Variants in PCSK6 observed in about 807,000 individuals in gnomAD.
The protein encoded by PCSK6 is paired basic amino acid cleaving enzyme 4.
A neutral mutation model predicts 123.3 loss-of-function variants in PCSK6; 85 were observed. The ratio of observed to expected loss-of-function variants is 0.69; its 90% CI spans 0.58 to 0.83. PCSK6 has a LOEUF of 0.83. Ranked by LOEUF, PCSK6 falls within the 40% of genes least tolerant of loss-of-function variation. The pLI is 0.00. For synonymous variants in PCSK6, 508 were observed against 516.0 expected (o/e 0.98, Z 0.21); for missense variants, 1,191 against 1,282.3 (o/e 0.93, Z 1.09).
At position 101,416,321 on chromosome 15, in the gene PCSK6, G is replaced by T. The variant is rs1259023790; in HGVS notation, c.823+11571C>A. ...TCTGTGGAACTTTGAACTTGAGAAA[G>T]ATGATTTAGAGTATCTGGCAGAAGA... On this transcript the variant is annotated intron_variant, in intron 6 of 21. Transcript: ENST00000611716. Among the ~76,000 whole-genome samples, 2 of 152,230 alleles carry T rather than the reference G, an allele frequency of 1.3e-5. 1 individual carries two copies. Among genetic ancestry groups the T allele is most frequent in the South Asian group, 4.1e-4 (2 of 4,832 alleles).
chr15:101,413,945 C>T (rs1232246825), intron 6 of PCSK6, among the ~76,000 whole-genome samples: 1 of 151,796 alleles, frequency 6.6e-6, no homozygotes, highest in African/African-American at 2.4e-5. Flanking sequence ...CTACAGGAGA[C>T]TCAATTCAAA....
chr15:101,381,590 A>T (rs554722238), intron 11 of PCSK6, among the ~76,000 whole-genome samples: 9 of 152,288 alleles, frequency 5.9e-5, no homozygotes, highest in African/African-American at 2.2e-4. Flanking sequence ...GCAGTACCCC[A>T]CAACCTGCAA....
intron 6 of PCSK6, among the ~76,000 whole-genome samples, chr15:101,402,495 G>A (rs886531256): frequency 5.3e-5 from 8 of 152,216 alleles, no homozygotes; most frequent in South Asian, 4.2e-4. Flanking sequence ...CCTACAAAAC[G>A]GGAGAAAATT....
intron 9 of PCSK6, among the ~76,000 whole-genome samples, chr15:101,386,667 C>T (rs1458683298): frequency 5.3e-5 from 8 of 152,218 alleles, no homozygotes; most frequent in Non-Finnish European, 8.8e-5. Flanking sequence ...AATCTGTATC[C>T]GAATCTCCTT....
At chr15:101,405,879 A>C (rs1003858093) in intron 6 of PCSK6, among the ~76,000 whole-genome samples, 2 of 152,002 alleles carry the variant, frequency 1.3e-5, no homozygotes, top group East Asian at 3.9e-4. Context: ...AGTAGCTGGG[A>C]TTACAGGCAC....
chr15:101,305,272 G>C lies in PCSK6; in HGVS notation c.2896C>G (p.Leu966Val). 6.2e-7 allele frequency: 1 copy of C among 1,611,398 alleles called. No individual in the cohort carries two copies. Among genetic ancestry groups the C allele is most frequent in the Non-Finnish European group, 8.5e-7 (1 of 1,179,536 alleles). Residue 966 changes from leucine (L) to valine (V), a missense_variant, in exon 22 of 22, where the codon CTC becomes GTC. Leu to Val is a conservative substitution (Grantham distance 32). This residue lies in a region of PCSK6 where 630 missense variants were observed against 631.4 expected (regional missense o/e 1.00). Transcript: ENST00000611716. The surrounding 1 kb of genome is among the most constrained non-coding windows in gnomAD (Gnocchi z 4.8). ...LFIQFCCRTC[L>V]LAG ...GCTAGGCACCCTTACCCGGCCAGGA[G>C]GCACGTGCGGCAGCAGAACTGAATG...
chr15:101,323,420 C>G (rs945083464), intron 17 of PCSK6, among the ~76,000 whole-genome samples: 1 of 152,228 alleles, frequency 6.6e-6, no homozygotes, highest in African/African-American at 2.4e-5. Context: ...TCTTGCATGA[C>G]TTTTTGTTTC....
intron 1 of PCSK6, among the ~76,000 whole-genome samples, chr15:101,476,138 TGAGG>T (rs2057725561): frequency 6.6e-6 from 1 of 152,184 alleles, no homozygotes; most frequent in Non-Finnish European, 1.5e-5. Context: ...ATCTGTAAAA[TGAGG>T]GTAATAATAA....
At chr15:101,332,066 G>A in intron 13 of PCSK6, 35 bp from the exon 14 acceptor site, 1 of 1,548,878 alleles carries the variant, frequency 6.5e-7, no homozygotes, top group Admixed American at 1.9e-5. Context: ...TTACCTGCCT[G>A]TGCCAAGACC....
intron 15 of PCSK6, among the ~76,000 whole-genome samples, chr15:101,330,416 G>A (rs1373862858): frequency 1.3e-5 from 2 of 152,176 alleles, no homozygotes; most frequent in Admixed American, 6.5e-5. Flanking sequence ...GGCCGGCTCC[G>A]CACACCCCGT....
rs1173203573 is a variant in PCSK6 at position 101,386,206 on chromosome 15, A to C, written c.1311-1781T>G. On this transcript the variant is annotated intron_variant, in intron 9 of 21. Transcript: ENST00000611716. Reference sequence around the variant, plus strand: ...AATGTGACCCTAGGAACACGGACTAAGTAAAATCGGGGGAGCTGCTGCAGC... The same window carrying C: ...AATGTGACCCTAGGAACACGGACTACGTAAAATCGGGGGAGCTGCTGCAGC... Among the ~76,000 whole-genome samples the C allele has an allele frequency of 2.6e-5, 4 of 152,092 alleles. No homozygotes were observed. The East Asian group carries it at 5.8e-4, about 22-fold the overall frequency.
intron 13 of PCSK6, among the ~76,000 whole-genome samples, chr15:101,346,016 G>T (rs566395157): frequency 6.6e-5 from 10 of 152,314 alleles, no homozygotes; most frequent in African/African-American, 2.4e-4. Context: ...TTGAAAAAAG[G>T]TTCACCTTTG....
chr15:101,449,398 A>G (rs1011122511), intron 1 of PCSK6, among the ~76,000 whole-genome samples: 19 of 152,292 alleles, frequency 1.2e-4, no homozygotes, highest in African/African-American at 3.8e-4. Context: ...AGCCAACTGC[A>G]TATGTATTCA....
intron 6 of PCSK6, among the ~76,000 whole-genome samples, chr15:101,424,879 G>A (rs977644668): frequency 2.0e-5 from 3 of 152,234 alleles, no homozygotes; most frequent in Non-Finnish European, 4.4e-5. Flanking sequence ...ATTGAATATG[G>A]TTGAGCACAT....
At chr15:101,463,105 A>C (rs746483426) in intron 1 of PCSK6, 1 of 459,594 alleles carries the variant, frequency 2.2e-6, no homozygotes, top group Admixed American at 2.3e-5. Context: ...CTAAAACTGT[A>C]AGAGACCTGG....
chr15:101,429,430 G>C (rs2056371798), intron 5 of PCSK6, among the ~76,000 whole-genome samples: 1 of 152,160 alleles, frequency 6.6e-6, no homozygotes, highest in Non-Finnish European at 1.5e-5. Flanking sequence ...GTGACCCTGT[G>C]AGGTAGGGGA....
chr15:101,388,768 C>T (rs924847007), intron 9 of PCSK6, among the ~76,000 whole-genome samples: 2 of 152,146 alleles, frequency 1.3e-5, no homozygotes, highest in Non-Finnish European at 2.9e-5. Context: ...ACCTTAAAGA[C>T]GTTATGTGAA....
intron 12 of PCSK6, 132 bp downstream of exon 12, chr15:101,370,203 G>A: frequency 1.5e-6 from 1 of 670,660 alleles, no homozygotes; most frequent in South Asian, 5.6e-5. Flanking sequence ...GAAGCTGCCA[G>A]CAGAACCAGT....
chr15:101,320,054 T>C (rs1204042661), intron 18 of PCSK6, among the ~76,000 whole-genome samples: 4 of 151,706 alleles, frequency 2.6e-5, no homozygotes, highest in African/African-American at 9.7e-5. Context: ...CTGACACATC[T>C]AGTAGCGTCA....
Sources: gnomAD v4.1 joint callset for allele counts (sites outside exome capture counted in the v4.1 genomes callset) on GRCh38, gnomAD v4.1.1 for gene constraint, gnomAD v4.1.1 regional missense constraint, Gnocchi (gnomAD v3.1) non-coding constraint, MANE v1.5 for transcripts, NCBI Gene and HGNC (gene_info 2026-07-23, HGNC 2026-07-21) for gene names.